The following OPRM1 variants were observed in gnomAD, a reference collection of about 807,000 sequenced individuals.
The protein encoded by OPRM1 is mu-type opioid receptor.
In OPRM1, 27 loss-of-function variants were observed where a neutral mutation model predicts 31.8. That is an observed-to-expected ratio of 0.85 (90% CI 0.63 to 1.17). The LOEUF (loss-of-function observed/expected upper bound fraction) is 1.17. Among genes scored for constraint, OPRM1 ranks in the 50% most tolerant of loss-of-function variants. The pLI is 0.00. For synonymous variants in OPRM1, 196 were observed against 189.9 expected (o/e 1.03, Z -0.26); for missense variants, 536 against 511.1 (o/e 1.05, Z -0.47).
At chr6:154,236,146 T>C (rs1354363227) in intron 3 of OPRM1, among the ~76,000 whole-genome samples, 1 of 152,188 alleles carries the variant, frequency 6.6e-6, no homozygotes, top group African/African-American at 2.4e-5. Flanking sequence ...GCGACCCAAG[T>C]GTCTGTCAAC....
At chr6:154,169,066 C>T (rs1189972215) in intron 3 of OPRM1, among the ~76,000 whole-genome samples, 1 of 150,012 alleles carries the variant, frequency 6.7e-6, no homozygotes, top group East Asian at 2.1e-4. Flanking sequence ...AAAGCTCACC[C>T]AAATATCATC....
At chr6:154,209,222 T>C (rs574135633) in intron 3 of OPRM1, among the ~76,000 whole-genome samples, 25 of 152,312 alleles carry the variant, frequency 1.6e-4, no homozygotes, top group African/African-American at 5.8e-4. Flanking sequence ...TATCACAAAA[T>C]GGAAGTACAT....
intron 1 of OPRM1, among the ~76,000 whole-genome samples, chr6:154,075,456 T>C (rs1191091369): frequency 1.5e-5 from 2 of 129,212 alleles, no homozygotes; most frequent in African/African-American, 6.4e-5. Context: ...TAAGCACTTT[T>C]TTTTTTTTTT....
intron 1 of OPRM1, among the ~76,000 whole-genome samples, chr6:154,072,266 T>C (rs1281078046): frequency 6.6e-6 from 1 of 152,196 alleles, no homozygotes; most frequent in Admixed American, 6.6e-5. Context: ...GAATGCATCA[T>C]GTTGCTCAGG....
intron 1 of OPRM1, among the ~76,000 whole-genome samples, chr6:154,083,896 A>C (rs1434064298): frequency 7.0e-6 from 1 of 142,256 alleles, no homozygotes; most frequent in Non-Finnish European, 1.5e-5. Context: ...GTGAGCCGAG[A>C]TCGCGCCACT....
chr6:154,209,007 T>C (rs967349871), intron 3 of OPRM1, among the ~76,000 whole-genome samples: 4 of 152,220 alleles, frequency 2.6e-5, no homozygotes, highest in African/African-American at 9.6e-5. Flanking sequence ...AAAAACCTCT[T>C]CTTCACTGAA....
At chr6:154,105,335 A>G (rs1022878967) in intron 3 of OPRM1, among the ~76,000 whole-genome samples, 5 of 152,232 alleles carry the variant, frequency 3.3e-5, no homozygotes, top group African/African-American at 1.2e-4. Context: ...AAGGATCAGC[A>G]ATGTTCTAAG....
At chr6:154,062,351 G>A (rs926823665) in intron 1 of OPRM1, among the ~76,000 whole-genome samples, 3 of 152,054 alleles carry the variant, frequency 2.0e-5, no homozygotes, top group African/African-American at 7.2e-5. Flanking sequence ...AATGTTGTTA[G>A]TGCCAAATGA....
In OPRM1 at chr6:154,122,287, C is replaced by T. The variant is rs2128527421; in HGVS notation, c.*3566C>T. On this transcript the variant is annotated 3_prime_UTR_variant, in exon 4 of 4. Coordinates refer to ENST00000330432, the MANE Select transcript of OPRM1 (RefSeq NM_000914.5). Reference sequence around the variant, plus strand: ...TGGTTTCTCAAGGAATCCCTACTGCCCTTGTAGAAACATCAAGATTCTTGC... The same window carrying T: ...TGGTTTCTCAAGGAATCCCTACTGCTCTTGTAGAAACATCAAGATTCTTGC... Among the ~76,000 whole-genome samples, 1 of 152,290 alleles carries T rather than the reference C, an allele frequency of 6.6e-6. No individual in the cohort carries two copies. The highest frequency in any genetic ancestry group is 1.9e-4 in the East Asian group (1 of 5,192).
At chr6:154,046,474 T>A (rs954941990) in intron 1 of OPRM1, among the ~76,000 whole-genome samples, 1 of 152,184 alleles carries the variant, frequency 6.6e-6, no homozygotes, top group South Asian at 2.1e-4. Context: ...ATCCTGCCAC[T>A]CCCTTTTCCA....
chr6:154,246,114 G>A (rs1406284493), intron 3 of OPRM1, among the ~76,000 whole-genome samples: 1 of 152,142 alleles, frequency 6.6e-6, no homozygotes, highest in African/African-American at 2.4e-5. Context: ...AAGAAGGTCG[G>A]GGGAAAGAAG....
intron 3 of OPRM1, among the ~76,000 whole-genome samples, chr6:154,147,972 A>G (rs1798401061): frequency 6.6e-6 from 1 of 152,202 alleles, no homozygotes; most frequent in African/African-American, 2.4e-5. Context: ...TTTGTAAAGT[A>G]TACTATATTC....
chr6:154,090,843 A>G (rs1791958016), intron 2 of OPRM1, 109 bp from the exon 3 acceptor site: 2 of 933,976 alleles, frequency 2.1e-6, no homozygotes, highest in East Asian at 4.8e-5. Flanking sequence ...TATAGCCTTA[A>G]GTTAGCTCTG....
chr6:154,037,359 A>C (rs1377525462), upstream of OPRM1, among the ~76,000 whole-genome samples: 2 of 120,852 alleles, frequency 1.7e-5, no homozygotes, highest in Non-Finnish European at 3.4e-5. Context: ...AAATAAAACT[A>C]AAAAAAAAAA....
intron 3 of OPRM1, among the ~76,000 whole-genome samples, chr6:154,213,963 G>C (rs1778174780): frequency 1.3e-5 from 2 of 152,208 alleles, no homozygotes; most frequent in South Asian, 4.1e-4. Flanking sequence ...GACTGTTTGA[G>C]ATGTCATGAA....
chr6:154,206,874 AG>A lies in OPRM1; in HGVS notation c.1165-39816del, dbSNP rs1437918037. Among the ~76,000 whole-genome samples, 8 of 152,364 alleles carry A rather than the reference AG, an allele frequency of 5.3e-5. 1 individual carries two copies. The highest frequency in any genetic ancestry group is 3.4e-3 in the Middle Eastern group (1 of 294). Reference sequence around the variant, plus strand: ...CAGGCCGTTTGTTGGGCTGACGATAAGGGCAAAATTGGCAGCAAGACTGCAA... The same window carrying A: ...CAGGCCGTTTGTTGGGCTGACGATAAGGCAAAATTGGCAGCAAGACTGCAA... On this transcript the variant is annotated intron_variant, in intron 3 of 3. Coordinates refer to the OPRM1 transcript ENST00000337049.
intron 3 of OPRM1, among the ~76,000 whole-genome samples, chr6:154,229,554 C>T (rs887596404): frequency 2.6e-5 from 4 of 151,400 alleles, no homozygotes; most frequent in Non-Finnish European, 4.4e-5. Flanking sequence ...AGATGGGGTT[C>T]GCCGTGTTAG....
intron 3 of OPRM1, chr6:154,214,244 T>G: frequency 1.2e-6 from 2 of 1,611,592 alleles, no homozygotes; most frequent in South Asian, 2.2e-5. Context: ...GGATTCCTGA[T>G]GGATTACAGC....
chr6:154,102,228 A>C (rs1449186455), intron 3 of OPRM1, among the ~76,000 whole-genome samples: 2 of 150,490 alleles, frequency 1.3e-5, no homozygotes, highest in African/African-American at 5.0e-5. Flanking sequence ...AATCCTAAAA[A>C]TGTAAATGGC....
Sources: allele counts gnomAD v4.1 joint callset (sites outside exome capture counted in the v4.1 genomes callset), GRCh38; gene constraint gnomAD v4.1.1; transcripts MANE v1.5; gene names NCBI Gene and HGNC (gene_info 2026-07-23, HGNC 2026-07-21).